Variants in ASTN1 observed in about 807,000 individuals in gnomAD.
ASTN1 encodes the protein astrotactin 1, also known as astrotactin-1.
ASTN1 carries 41 observed loss-of-function variants against 140.7 expected under a neutral mutation model. The observed-to-expected ratio is 0.29, with a 90% CI of 0.23 to 0.38. ASTN1 has a LOEUF of 0.38. ASTN1 is among the 10% of genes least tolerant of loss of function. The pLI, the probability that ASTN1 is intolerant of heterozygous loss-of-function variation, is 1.00. For synonymous variants in ASTN1, 640 were observed against 652.2 expected (o/e 0.98, Z 0.29); for missense variants, 1,479 against 1,678.8 (o/e 0.88, Z 2.08).
intron 2 of ASTN1, among the ~76,000 whole-genome samples, chr1:177,057,054 A>T (rs969595001): frequency 2.0e-5 from 3 of 152,236 alleles, no homozygotes; most frequent in Non-Finnish European, 4.4e-5. Flanking sequence ...TCTTCAGCCA[A>T]GTTTGAATCA....
In ASTN1 at chr1:176,876,590, C is replaced by T; in HGVS notation, c.3410G>A (p.Ser1137Asn). ...GCATGGGGTCTTCACGATCACGTCG[C>T]TTGGCCTGGAGCGCCGTCCTGTGTT... is the stretch of plus-strand genomic sequence containing the variant. ...VDNTGRRSRPSDVIVKTPCPV... is the reference protein window; with the variant it reads ...VDNTGRRSRPNDVIVKTPCPV... The change falls in exon 21 of 23, where the codon AGC (serine) becomes AAC (asparagine). Residue 1137 changes from serine (S) to asparagine (N), a missense_variant. Around this residue, in one of 3 missense-constraint regions of ASTN1, gnomAD observed 746 missense variants for 800.9 expected, o/e 0.93. Coordinates refer to ENST00000361833, the MANE Select transcript of ASTN1 (RefSeq NM_004319.3). The T allele has an allele frequency of 1.2e-6, 2 of 1,614,176 alleles. No homozygotes were observed. The highest frequency in any genetic ancestry group is 8.5e-7 in the Non-Finnish European group (1 of 1,180,030).
At chr1:177,159,575 A>C (rs1647234591) in intron 1 of ASTN1, among the ~76,000 whole-genome samples, 1 of 152,246 alleles carries the variant, frequency 6.6e-6, no homozygotes, top group African/African-American at 2.4e-5. Flanking sequence ...AAGCCAATTG[A>C]AAAGCTCAGT....
At chr1:177,144,413 C>CGGCTA (rs1682623620) in intron 1 of ASTN1, among the ~76,000 whole-genome samples, 1 of 143,802 alleles carries the variant, frequency 7.0e-6, no homozygotes, top group Non-Finnish European at 1.5e-5. Flanking sequence ...CCACCGCGCC[C>CGGCTA]GGCTAGTTTT....
chr1:176,883,815 C>T (rs955547035), intron 19 of ASTN1, among the ~76,000 whole-genome samples: 1 of 151,896 alleles, frequency 6.6e-6, no homozygotes, highest in Admixed American at 6.6e-5. Flanking sequence ...GAACATTTTT[C>T]ATGGGGTGTT....
chr1:176,956,353 C>A (rs548125824), intron 11 of ASTN1, among the ~76,000 whole-genome samples: 1 of 152,280 alleles, frequency 6.6e-6, no homozygotes, highest in South Asian at 2.1e-4. Context: ...GGCCTTAGGG[C>A]TGGGAGCACT....
chr1:177,015,598 A>C (rs1675505323), intron 7 of ASTN1, among the ~76,000 whole-genome samples: 1 of 152,212 alleles, frequency 6.6e-6, no homozygotes, highest in South Asian at 2.1e-4. Flanking sequence ...TTTATTTAGG[A>C]TATCACTACA....
Position 177,088,997 on chromosome 1 carries a change from C to T in ASTN1, c.284-27732G>A, listed in dbSNP as rs1424472352. Among the ~76,000 whole-genome samples, 6 of 152,122 alleles carry T rather than the reference C, an allele frequency of 3.9e-5. No individual in the cohort carries two copies. The South Asian group carries it at 6.2e-4, about 16-fold the overall frequency. On this transcript the variant is annotated intron_variant, in intron 1 of 22. Coordinates refer to ENST00000361833, the MANE Select transcript of ASTN1 (RefSeq NM_004319.3). ...GGGCAGGGAAAGTCATATCCCTACTCGTATTTCTCCTCTCTCTCTTCCCAG... is the reference window on the plus strand; with the variant it reads ...GGGCAGGGAAAGTCATATCCCTACTTGTATTTCTCCTCTCTCTCTTCCCAG...
Position 177,032,832 on chromosome 1 carries a change from C to T in ASTN1, c.489G>A (p.Leu163=), listed in dbSNP as rs1482316758. 8 of 1,603,944 alleles carry T rather than the reference C, an allele frequency of 5.0e-6. No individual in the cohort carries two copies. In the Admixed American group the frequency reaches 1.3e-4, roughly 27 times the overall value. ...HISVMGGMIA[L]LLSILCLVMI... ...TCACCAGGCACAAGATGGACAGCAG[C>T]AGAGCGATCATGCCACCCTAGGAAG... is the stretch of plus-strand genomic sequence containing the variant. Residue 163 remains leucine (L), a synonymous_variant, in exon 3 of 23, where the codon CTG becomes CTA. Coordinates refer to ENST00000361833, the MANE Select transcript of ASTN1 (RefSeq NM_004319.3).
chr1:176,923,342 A>C (rs2103076334), intron 16 of ASTN1, among the ~76,000 whole-genome samples: 1 of 152,310 alleles, frequency 6.6e-6, no homozygotes, highest in East Asian at 1.9e-4. Flanking sequence ...TATTTTGAAG[A>C]GGGTTAACAA....
Position 176,933,376 on chromosome 1 carries a change from G to T in ASTN1, c.2671+776C>A, listed in dbSNP as rs115230745. ...TTTTTATTGTGCTAATTCATCACTT[G>T]CCCTTTAGCAAGTCCCATATCTACA... is the stretch of plus-strand genomic sequence containing the variant. On this transcript the variant is annotated intron_variant, in intron 16 of 22. Transcript: ENST00000361833. Among the ~76,000 whole-genome samples, 537 of 152,232 alleles carry T rather than the reference G, an allele frequency of 3.5e-3. 3 individuals are homozygous for T. Among genetic ancestry groups the T allele is most frequent in the African/African-American group, 0.012 (513 of 41,544 alleles).
chr1:177,037,108 C>T (rs1676756513), intron 2 of ASTN1, among the ~76,000 whole-genome samples: 1 of 152,164 alleles, frequency 6.6e-6, no homozygotes, highest in African/African-American at 2.4e-5. Flanking sequence ...GTATGAGGAA[C>T]TGAGCCCAGC....
At chr1:176,923,489 A>T (rs1363736555) in intron 16 of ASTN1, among the ~76,000 whole-genome samples, 1 of 152,132 alleles carries the variant, frequency 6.6e-6, no homozygotes, top group African/African-American at 2.4e-5. Context: ...CCCCATCATC[A>T]TCAGTTTTGT....
intron 1 of ASTN1, among the ~76,000 whole-genome samples, chr1:177,092,615 A>G (rs2102107164): frequency 6.6e-6 from 1 of 152,304 alleles, no homozygotes; most frequent in Non-Finnish European, 1.5e-5. Flanking sequence ...TTGTCTTCTA[A>G]TAGTTTCATA....
chr1:176,880,968 A>C (rs991249885), intron 20 of ASTN1, among the ~76,000 whole-genome samples: 6 of 152,208 alleles, frequency 3.9e-5, no homozygotes, highest in African/African-American at 1.2e-4. Context: ...TATAGAAAGA[A>C]AACTTAGTTG....
At chr1:177,130,564 G>A (rs188041546) in intron 1 of ASTN1, among the ~76,000 whole-genome samples, 38 of 152,254 alleles carry the variant, frequency 2.5e-4, no homozygotes, top group Middle Eastern at 6.8e-3. Context: ...GCAGGTCACT[G>A]GATGGTGCGC....
At chr1:177,115,188 T>C (rs985176003) in intron 1 of ASTN1, among the ~76,000 whole-genome samples, 3 of 152,118 alleles carry the variant, frequency 2.0e-5, no homozygotes, top group Non-Finnish European at 4.4e-5. Flanking sequence ...CTCTAGTCCA[T>C]AGTCTAAATG....
intron 8 of ASTN1, among the ~76,000 whole-genome samples, chr1:176,987,861 G>C (rs1334843638): frequency 1.3e-5 from 2 of 152,224 alleles, no homozygotes; most frequent in Non-Finnish European, 2.9e-5. Flanking sequence ...CTAGGTTTGA[G>C]AGACACATCT....
At chr1:176,883,231 CTT>C (rs55903122) in intron 19 of ASTN1, among the ~76,000 whole-genome samples, 30 of 130,438 alleles carry the variant, frequency 2.3e-4, no homozygotes, top group Admixed American at 2.3e-4. Context: ...CTGAGAGCTT[CTT>C]TTTTTTTTTT....
intron 5 of ASTN1, 82 bp downstream of exon 5, chr1:177,029,552 C>T (rs1223459636): frequency 9.1e-6 from 13 of 1,426,474 alleles, no homozygotes; most frequent in Non-Finnish European, 1.3e-5. Context: ...AGCCCACAAC[C>T]CAACCCAACA....
Sources: gnomAD v4.1 joint callset for allele counts (sites outside exome capture counted in the v4.1 genomes callset) on GRCh38, gnomAD v4.1.1 for gene constraint, gnomAD v4.1.1 regional missense constraint, MANE v1.5 for transcripts, NCBI Gene and HGNC (gene_info 2026-07-23, HGNC 2026-07-21) for gene names.